Variants in MALRD1 observed in about 807,000 individuals in gnomAD.
The protein encoded by MALRD1 is MAM and LDL receptor class A domain containing 1.
MALRD1 carries 247 observed loss-of-function variants against 242.1 expected under a neutral mutation model. The observed-to-expected ratio is 1.02, with a 90% CI of 0.92 to 1.13. MALRD1 has a LOEUF of 1.13. Ranked by LOEUF, MALRD1 falls within the 50% of genes most tolerant of loss-of-function variation. The pLI, the probability that MALRD1 is intolerant of heterozygous loss-of-function variation, is 0.00. For synonymous variants in MALRD1, 995 were observed against 866.6 expected, an observed-to-expected ratio of 1.15 and a Z score of -2.60; for missense variants, 2,989 against 2,533.1, an observed-to-expected ratio of 1.18 and a Z score of -3.86.
chr10:19,155,216 A>AC, intron 12 of MALRD1, 44 bp downstream of exon 12: 1 of 1,102,214 alleles, frequency 9.1e-7, no homozygotes, highest in Non-Finnish European at 1.2e-6. Context: ...CTGCGGTTGT[A>AC]AATCGCTGAG....
At chr10:19,281,415 C>G (rs1840806161) in intron 20 of MALRD1, among the ~76,000 whole-genome samples, 1 of 152,156 alleles carries the variant, frequency 6.6e-6, no homozygotes, top group Non-Finnish European at 1.5e-5. Context: ...CTAAGTTCAA[C>G]TTTGCCGTTT....
chr10:19,459,879 T>C (rs1295488590), intron 29 of MALRD1, among the ~76,000 whole-genome samples: 1 of 151,750 alleles, frequency 6.6e-6, no homozygotes, highest in East Asian at 1.9e-4. Flanking sequence ...AAAAAATAAT[T>C]ATTTGACCAG....
At chr10:19,371,387 A>G (rs1845368942) in intron 26 of MALRD1, among the ~76,000 whole-genome samples, 1 of 152,246 alleles carries the variant, frequency 6.6e-6, no homozygotes. Context: ...GTTTCCTTCC[A>G]TTCTCAATAT....
chr10:19,249,144 T>C (rs535897298), intron 18 of MALRD1, among the ~76,000 whole-genome samples: 169 of 151,550 alleles, frequency 1.1e-3, no homozygotes, highest in African/African-American at 3.7e-3. Flanking sequence ...ACAAATGAAA[T>C]TGATATTACT....
chr10:19,126,052 AT>A lies in MALRD1; in HGVS notation c.943+1394del, dbSNP rs930634271. Among the ~76,000 whole-genome samples, 300 of 147,466 alleles carry A rather than the reference AT, an allele frequency of 2.0e-3. 2 individuals are homozygous for A. The highest frequency in any genetic ancestry group is 6.8e-3 in the South Asian group (32 of 4,678). On this transcript the variant is annotated intron_variant, in intron 7 of 39. Coordinates refer to ENST00000454679, the MANE Select transcript of MALRD1 (RefSeq NM_001142308.3). ...ATTTATCTGGTCATACAATTTTAGAATTTTTTTTTTTTAATTTCTAAGTACA... is the reference window on the plus strand; with the variant it reads ...ATTTATCTGGTCATACAATTTTAGAATTTTTTTTTTTAATTTCTAAGTACA...
intron 26 of MALRD1, among the ~76,000 whole-genome samples, chr10:19,383,274 A>G (rs7097149): frequency 0.87 from 132,722 of 152,098 alleles, 58,132 homozygotes; most frequent in African/African-American, 0.92. Context: ...TCAAAGTTTC[A>G]CTCCCATTGA....
intron 32 of MALRD1, among the ~76,000 whole-genome samples, chr10:19,554,754 T>C (rs1245605092): frequency 6.6e-6 from 1 of 152,218 alleles, no homozygotes; most frequent in Non-Finnish European, 1.5e-5. Flanking sequence ...TAGCATTCTA[T>C]GGTGTATATG....
chr10:19,652,372 C>CAAGT (rs1840940233), intron 36 of MALRD1, among the ~76,000 whole-genome samples: 1 of 152,084 alleles, frequency 6.6e-6, no homozygotes, highest in Admixed American at 6.6e-5. Flanking sequence ...TTTCAAACTG[C>CAAGT]AAGTAGTTTA....
At chr10:19,324,802 A>C (rs1457723968) in intron 22 of MALRD1, among the ~76,000 whole-genome samples, 3 of 151,880 alleles carry the variant, frequency 2.0e-5, no homozygotes, top group Admixed American at 2.0e-4. Flanking sequence ...CTCTTAGTTA[A>C]ATTTTATTGT....
chr10:19,360,892 G>T (rs1399146568), intron 26 of MALRD1, among the ~76,000 whole-genome samples: 1 of 151,868 alleles, frequency 6.6e-6, no homozygotes, highest in Non-Finnish European at 1.5e-5. Context: ...AAAATCTCTG[G>T]TTAAGGTAAC....
Position 19,280,117 on chromosome 10 carries a change from CACAG to C in MALRD1, c.3154_3157del (p.Asp1052MetfsTer131), listed in dbSNP as rs1162194697. On this transcript the variant is annotated frameshift_variant, in exon 20 of 40. Coordinates refer to ENST00000454679, the MANE Select transcript of MALRD1 (RefSeq NM_001142308.3). LOFTEE classifies it high-confidence loss of function. ...CTGTAACATTACCTCCACACAACTGCACAGACAATGAATTTATCTGCAGGTCTGA... is the reference window on the plus strand; with the variant it reads ...CTGTAACATTACCTCCACACAACTGCACAATGAATTTATCTGCAGGTCTGA... 13 of 1,545,544 alleles carry C rather than the reference CACAG, an allele frequency of 8.4e-6. No homozygotes were observed. The highest frequency in any genetic ancestry group is 4.0e-5 in the Admixed American group (2 of 49,456).
At chr10:19,694,551 A>T (rs1833278249) in intron 38 of MALRD1, among the ~76,000 whole-genome samples, 1 of 152,246 alleles carries the variant, frequency 6.6e-6, no homozygotes, top group Non-Finnish European at 1.5e-5. Flanking sequence ...TAGAATGGCG[A>T]TCATTAAAAA....
intron 38 of MALRD1, among the ~76,000 whole-genome samples, chr10:19,694,378 A>T (rs1833263308): frequency 6.6e-6 from 1 of 152,232 alleles, no homozygotes; most frequent in Non-Finnish European, 1.5e-5. Flanking sequence ...ACAAATTCAC[A>T]AGAAAAAAAC....
At chr10:19,330,271 A>C (rs1253597666) in intron 23 of MALRD1, among the ~76,000 whole-genome samples, 1 of 151,930 alleles carries the variant, frequency 6.6e-6, no homozygotes, top group Non-Finnish European at 1.5e-5. Flanking sequence ...GCATGATTTC[A>C]ATTATTCCAA....
intron 5 of MALRD1, among the ~76,000 whole-genome samples, chr10:19,112,650 G>T (rs1406825217): frequency 2.6e-5 from 4 of 152,058 alleles, no homozygotes; most frequent in Non-Finnish European, 4.4e-5. Context: ...AATAAGAAGG[G>T]GCAATGTTTT....
chr10:19,677,571 A>ATT (rs1412340966), intron 36 of MALRD1, among the ~76,000 whole-genome samples: 2 of 152,018 alleles, frequency 1.3e-5, no homozygotes, highest in African/African-American at 4.8e-5. Context: ...GATGTTAGAC[A>ATT]TTTGTCAGAT....
At chr10:19,287,208 A>G (rs897513084) in intron 21 of MALRD1, among the ~76,000 whole-genome samples, 6 of 152,128 alleles carry the variant, frequency 3.9e-5, no homozygotes, top group Admixed American at 6.6e-5. Context: ...GAGATATCCT[A>G]TTATGTCCTA....
intron 1 of MALRD1, among the ~76,000 whole-genome samples, chr10:19,060,107 A>G (rs1022736563): frequency 1.3e-5 from 2 of 152,048 alleles, no homozygotes; most frequent in African/African-American, 4.8e-5. Context: ...CTGGGTGTCA[A>G]TCTTTTTATT....
chr10:19,269,849 T>C (rs960577943), intron 19 of MALRD1, among the ~76,000 whole-genome samples: 8 of 152,216 alleles, frequency 5.3e-5, no homozygotes, highest in Non-Finnish European at 8.8e-5. Context: ...CTTAGAGTAG[T>C]TGTCCTTTTA....
Sources: allele counts gnomAD v4.1 joint callset (sites outside exome capture counted in the v4.1 genomes callset), GRCh38; gene constraint gnomAD v4.1.1; transcripts MANE v1.5; gene names NCBI Gene and HGNC (gene_info 2026-07-23, HGNC 2026-07-21).